Variants in UGT2B17 observed in about 807,000 individuals in gnomAD.
UGT2B17 encodes UDP-glucuronosyltransferase 2B17.
UGT2B17 carries 21 observed loss-of-function variants against 48.2 expected under a neutral mutation model. The ratio of observed to expected loss-of-function variants is 0.44; its 90% CI spans 0.31 to 0.63. The LOEUF is 0.63. Ranked by LOEUF, UGT2B17 falls within the 20% of genes least tolerant of loss-of-function variation. The pLI is 0.08. For synonymous variants in UGT2B17, 146 were observed against 238.4 expected (o/e 0.61, Z 3.57); for missense variants, 402 against 696.1 (o/e 0.58, Z 4.75).
At chr4:68,551,791 A>T in intron 5 of UGT2B17, 33 bp downstream of exon 5, 1 of 1,208,392 alleles carries the variant, frequency 8.3e-7, no homozygotes, top group Non-Finnish European at 1.1e-6. Context: ...GGCTGTTACT[A>T]ATATATTCAG....
Position 68,568,016 on chromosome 4 carries a change from A to G in UGT2B17, c.469T>C (p.Cys157Arg), listed in dbSNP as rs1265170490. ...DVLLADAVNP[C>R]GELLAELLNI... ...AGTAGCTCAGCCAGCAGCTCACCAC[A>G]GGGATTAACGGCATCTGCCAGAAGG... The change falls in exon 2 of 7, where the codon TGT becomes CGT. Residue 157 changes from cysteine to arginine, a missense_variant. Transcript: ENST00000317746. 2 of 1,382,446 alleles carry G rather than the reference A, an allele frequency of 1.4e-6. No individual in the cohort carries two copies. Among genetic ancestry groups the G allele is most frequent in the African/African-American group, 3.0e-5 (2 of 67,786 alleles). 85.6% of individuals were successfully genotyped at this position (1,382,446 alleles called of 1,614,324 possible). A position where few individuals can be genotyped will look rare whatever the true frequency, so the allele number is the denominator to read the frequency against.
intron 1 of UGT2B17, among the ~76,000 whole-genome samples, chr4:68,569,444 A>T (rs116181509): frequency 0.016 from 1,969 of 125,660 alleles, 404 homozygotes; most frequent in African/African-American, 0.052. Flanking sequence ...GGGTAGAGGA[A>T]GTAGCAGAAA....
At chr4:68,555,520 T>C (rs548485637) in intron 4 of UGT2B17, among the ~76,000 whole-genome samples, 1 of 126,072 alleles carries the variant, frequency 7.9e-6, no homozygotes, top group Non-Finnish European at 1.7e-5. Context: ...ACGGAGAGCT[T>C]GGAGGTTAAA....
intron 3 of UGT2B17, among the ~76,000 whole-genome samples, chr4:68,561,872 A>C (rs567307020): frequency 8.1e-6 from 1 of 122,768 alleles, no homozygotes; most frequent in Non-Finnish European, 1.7e-5. Flanking sequence ...TCAAAATTGT[A>C]TACTCATCTT....
At chr4:68,549,066 C>G (rs1254476308) in intron 6 of UGT2B17, among the ~76,000 whole-genome samples, 1 of 124,360 alleles carries the variant, frequency 8.0e-6, no homozygotes, top group African/African-American at 2.7e-5. Context: ...TTTTTGTTTT[C>G]TAACCTGTTT....
At position 68,537,676 on chromosome 4, in the gene UGT2B17, C is replaced by A; in HGVS notation, c.1542G>T (p.Leu514=). ...TMIFMITKCC[L]FCFRKLAKTG... ...TTTTGGCAAGCTTTCGGAAACAAAA[C>A]AGGCAACATTTTGTGATCATAAATA... is the stretch of plus-strand genomic sequence containing the variant. The change falls in exon 7 of 7, where the codon CTG becomes CTT. Residue 514 remains leucine (L), a synonymous_variant. Transcript: ENST00000317746. 7.3e-7 allele frequency: 1 copy of A among 1,376,996 alleles called. No individual in the cohort carries two copies. Among genetic ancestry groups the A allele is most frequent in the African/African-American group, 1.5e-5 (1 of 67,998 alleles). 85.3% of individuals were successfully genotyped at this position (1,376,996 alleles called of 1,614,324 possible).
intron 6 of UGT2B17, among the ~76,000 whole-genome samples, chr4:68,541,984 T>C (rs1355998476): frequency 7.9e-6 from 1 of 126,430 alleles, no homozygotes; most frequent in Non-Finnish European, 1.7e-5. Flanking sequence ...GAGGCCTCTG[T>C]TCTGTTCCAT....
chr4:68,571,306 A>G lies in UGT2B17; in HGVS notation c.-64-2758T>C, dbSNP rs1258773914. Among the ~76,000 whole-genome samples the G allele has an allele frequency of 6.4e-5, 8 of 125,724 alleles. 1 individual carries two copies. Among genetic ancestry groups the G allele is most frequent in the African/African-American group, 2.2e-4 (8 of 36,626 alleles). The allele number at this position is 125,724 out of a possible 152,430, so 82.5% of individuals were successfully genotyped here. ...GTTTTTATGGGCAGTAAGAAGAAAG[A>G]AGGCTTAATGGTGCGAATTACACAG... On this transcript the variant is annotated intron_variant, in intron 1 of 6. Coordinates refer to ENST00000317746, the MANE Select transcript of UGT2B17 (RefSeq NM_001077.4).
At chr4:68,549,751 TA>T (rs1363627478) in intron 6 of UGT2B17, among the ~76,000 whole-genome samples, 1 of 125,978 alleles carries the variant, frequency 7.9e-6, no homozygotes, top group Non-Finnish European at 1.7e-5. Context: ...CCATTCTTCA[TA>T]AACAACAATT....
At chr4:68,575,885 A>C (rs1337895621) in intron 1 of UGT2B17, among the ~76,000 whole-genome samples, 66 bp downstream of exon 1, 1 of 126,122 alleles carries the variant, frequency 7.9e-6, no homozygotes, top group African/African-American at 2.7e-5. Context: ...ACACAGGCAC[A>C]CCGTGGGTGA....
intron 1 of UGT2B17, among the ~76,000 whole-genome samples, chr4:68,572,744 A>C (rs1166815992): frequency 7.9e-6 from 1 of 126,996 alleles, no homozygotes; most frequent in Non-Finnish European, 1.7e-5. Context: ...AGGTCAGTTG[A>C]AGTCCTTCCT....
At chr4:68,560,738 C>G (rs1386068327) in intron 3 of UGT2B17, 70 bp from the exon 4 acceptor site, 1 of 1,165,496 alleles carries the variant, frequency 8.6e-7, no homozygotes, top group African/African-American at 2.0e-5. Flanking sequence ...AGGATTGTTA[C>G]AAACATCTAA....
chr4:68,567,356 G>A (rs1731218405), intron 2 of UGT2B17, among the ~76,000 whole-genome samples: 2 of 126,232 alleles, frequency 1.6e-5, no homozygotes, highest in Non-Finnish European at 3.4e-5. Flanking sequence ...GAGGTACTCA[G>A]GTACAAGTTC....
At position 68,558,433 on chromosome 4, in the gene UGT2B17, T is replaced by C. The variant is rs1310048929; in HGVS notation, c.1005+2104A>G. On this transcript the variant is annotated intron_variant, in intron 4 of 6. Coordinates refer to ENST00000317746, the MANE Select transcript of UGT2B17 (RefSeq NM_001077.4). ...TTTCATAAAGCCCTACAAATTAAGCTAGACAACTTAAACTCCAGAAGAAAA... is the reference window on the plus strand; with the variant it reads ...TTTCATAAAGCCCTACAAATTAAGCCAGACAACTTAAACTCCAGAAGAAAA... 3.2e-5 allele frequency among the ~76,000 whole-genome samples: 4 copies of C among 126,656 alleles called. 1 individual carries two copies. Among genetic ancestry groups the C allele is most frequent in the Non-Finnish European group, 5.0e-5 (3 of 59,516 alleles). The allele number at this position is 126,656 out of a possible 152,430, so 83.1% of individuals were successfully genotyped here.
rs1730829843 is a variant in UGT2B17, at chr4:68,547,213, GT to G, written c.1313+3463del. ...CAGTAACCAAAACAGCATGGTACTGGTACCAAAACAGAGATATAGACCAATG... is the reference window on the plus strand; with the variant it reads ...CAGTAACCAAAACAGCATGGTACTGGACCAAAACAGAGATATAGACCAATG... On this transcript the variant is annotated intron_variant, in intron 6 of 6. Coordinates refer to ENST00000317746, the MANE Select transcript of UGT2B17 (RefSeq NM_001077.4). Among the ~76,000 whole-genome samples the G allele has an allele frequency of 1.6e-5, 2 of 122,360 alleles. 1 individual carries two copies. The highest frequency in any genetic ancestry group is 5.6e-5 in the African/African-American group (2 of 35,972). 80.3% of individuals were successfully genotyped at this position (122,360 alleles called of 152,430 possible). A position where few individuals can be genotyped will look rare whatever the true frequency, so the allele number is the denominator to read the frequency against.
In UGT2B17 at chr4:68,570,311, C is replaced by G. The variant is rs1435360526; in HGVS notation, c.-64-1763G>C. ...GCATGCACTGCTGGTCAGAGAGAAACAGAACAGGGCAGGGGGTTTTACAGT... is the reference window on the plus strand; with the variant it reads ...GCATGCACTGCTGGTCAGAGAGAAAGAGAACAGGGCAGGGGGTTTTACAGT... On this transcript the variant is annotated intron_variant, in intron 1 of 6. Coordinates refer to ENST00000317746, the MANE Select transcript of UGT2B17 (RefSeq NM_001077.4). Among the ~76,000 whole-genome samples, 14 of 126,718 alleles carry G rather than the reference C, an allele frequency of 1.1e-4. 3 individuals are homozygous for G. Among genetic ancestry groups the G allele is most frequent in the African/African-American group, 3.8e-4 (14 of 37,008 alleles). 83.1% of individuals were successfully genotyped at this position (126,718 alleles called of 152,430 possible).
intron 6 of UGT2B17, among the ~76,000 whole-genome samples, chr4:68,548,040 T>C (rs1730849822): frequency 7.9e-6 from 1 of 126,630 alleles, no homozygotes; most frequent in African/African-American, 2.7e-5. Flanking sequence ...GATCTAGAAC[T>C]AGAAATATCA....
chr4:68,547,048 A>C lies in UGT2B17; in HGVS notation c.1313+3629T>G, dbSNP rs371231198. ...TGCCATCCCCATCAAGCTACCAATG[A>C]CTTTCTTCACAGAATTGGAAAAAAC... On this transcript the variant is annotated intron_variant, in intron 6 of 6. Coordinates refer to ENST00000317746, the MANE Select transcript of UGT2B17 (RefSeq NM_001077.4). Among the ~76,000 whole-genome samples, 9 of 98,774 alleles carry C rather than the reference A, an allele frequency of 9.1e-5. 1 individual carries two copies. Among genetic ancestry groups the C allele is most frequent in the African/African-American group, 1.3e-4 (4 of 30,914 alleles). The allele number at this position is 98,774 out of a possible 152,430, so 64.8% of individuals were successfully genotyped here.
chr4:68,553,944 G>T (rs1730959180), intron 4 of UGT2B17, among the ~76,000 whole-genome samples: 1 of 124,196 alleles, frequency 8.1e-6, no homozygotes, highest in African/African-American at 2.7e-5. Context: ...GCAACTGGGG[G>T]CCTTGTGGGA....
Sources: allele counts gnomAD v4.1 joint callset (sites outside exome capture counted in the v4.1 genomes callset), GRCh38; gene constraint gnomAD v4.1.1; transcripts MANE v1.5; gene names NCBI Gene and HGNC (gene_info 2026-07-23, HGNC 2026-07-21).